The following TMLHE variants were observed in gnomAD, a reference collection of about 807,000 sequenced individuals.
TMLHE encodes the protein trimethyllysine hydroxylase, epsilon, also known as trimethyllysine dioxygenase, mitochondrial.
Under a neutral mutation model 25.7 loss-of-function variants are expected in TMLHE, and 18 were observed. The observed-to-expected ratio is 0.70, with a 90% CI of 0.48 to 1.04. The LOEUF is 1.04. Among genes scored for constraint, TMLHE ranks in the 50% least tolerant of loss-of-function variants. The probability of loss-of-function intolerance (pLI) is 0.00; values close to 1 mark genes in which losing one functional copy is unlikely to be tolerated. For missense variants in TMLHE, 236 were observed against 259.0 expected (o/e 0.91, Z 0.61); for synonymous variants, 105 against 97.0 (o/e 1.08, Z -0.49).
chrX:155,567,775 G>C lies in TMLHE; in HGVS notation c.-1-22498C>G, dbSNP rs1416484691. On this transcript the variant is annotated intron_variant, in intron 1 of 7. Coordinates refer to ENST00000334398, the MANE Select transcript of TMLHE (RefSeq NM_018196.4). ...ATGTACAGTGGAAGACCGAAGAACTGAAAGCTCCACTGATGGAGGGTGCTG... is the reference window on the plus strand; with the variant it reads ...ATGTACAGTGGAAGACCGAAGAACTCAAAGCTCCACTGATGGAGGGTGCTG... 4.8e-5 allele frequency among the ~76,000 whole-genome samples: 3 copies of C among 61,935 alleles called. 1 individual carries two copies. In the Admixed American group the frequency reaches 5.7e-4, roughly 12 times the overall value. 53.8% of individuals were successfully genotyped at this position (61,935 alleles called of 115,157 possible).
chrX:155,528,732 T>A (rs190820969), intron 2 of TMLHE, among the ~76,000 whole-genome samples: 33 of 111,915 alleles, frequency 2.9e-4, no homozygotes, highest in Admixed American at 2.9e-3. Flanking sequence ...ACTTATTGGT[T>A]GATGGGTACT....
At chrX:155,605,834 C>T (rs1557347776) in intron 1 of TMLHE, among the ~76,000 whole-genome samples, 1 of 111,759 alleles carries the variant, frequency 8.9e-6, no homozygotes, top group Non-Finnish European at 1.9e-5. Flanking sequence ...CGGTGGTATG[C>T]TGTCTTCAAG....
At chrX:155,511,132 T>C (rs2067109481) in intron 5 of TMLHE, among the ~76,000 whole-genome samples, 1 of 111,831 alleles carries the variant, frequency 8.9e-6, no homozygotes, top group Non-Finnish European at 1.9e-5. Flanking sequence ...TGTTGAATTG[T>C]AATCTCCAGT....
chrX:155,530,281 C>G (rs1557336941), intron 2 of TMLHE, among the ~76,000 whole-genome samples: 1 of 110,967 alleles, frequency 9.0e-6, no homozygotes, highest in East Asian at 2.8e-4. Context: ...TATGGATGAA[C>G]CTGGAGGACA....
chrX:155,586,515 AAAGAT>A (rs782619509), intron 1 of TMLHE, among the ~76,000 whole-genome samples: 1 of 111,905 alleles, frequency 8.9e-6, no homozygotes, highest in South Asian at 3.7e-4. Context: ...AAAAAATAAT[AAAGAT>A]AAGAGCAGAA....
chrX:155,553,489 T>G (rs1443916154), intron 1 of TMLHE, among the ~76,000 whole-genome samples: 1 of 110,017 alleles, frequency 9.1e-6, no homozygotes, highest in Non-Finnish European at 1.9e-5. Flanking sequence ...CTATATCAGC[T>G]TTCTTTTGGG....
At position 155,511,591 on chromosome X, in the gene TMLHE, G is replaced by A. The variant is rs190103864; in HGVS notation, c.758+82C>T. ...GCAGGAGCAGATATGATCTTGGTTC[G>A]AACAGAATGGAAAATAATTAAGAAA... On this transcript the variant is annotated intron_variant, in intron 5 of 7. Transcript: ENST00000334398. 2.2e-4 allele frequency: 217 copies of A among 1,001,493 alleles called. No individual in the cohort carries two copies. The African/African-American group carries it at 3.7e-3, about 17-fold the overall frequency. 82.5% of individuals were successfully genotyped at this position (1,001,493 alleles called of 1,213,427 possible). A position where few individuals can be genotyped will look rare whatever the true frequency, so the allele number is the denominator to read the frequency against.
chrX:155,525,969 G>A (rs1423651954), intron 2 of TMLHE, among the ~76,000 whole-genome samples: 2 of 112,865 alleles, frequency 1.8e-5, no homozygotes, highest in Non-Finnish European at 3.7e-5. Context: ...ATATTTAAAA[G>A]GGAAACAGTA....
chrX:155,541,111 T>G (rs1327361434), intron 2 of TMLHE, among the ~76,000 whole-genome samples: 1 of 110,771 alleles, frequency 9.0e-6, no homozygotes, highest in Non-Finnish European at 1.9e-5. Flanking sequence ...GTTTGTTACA[T>G]AAGTATACAT....
chrX:155,531,160 G>A (rs1252629323), intron 2 of TMLHE, among the ~76,000 whole-genome samples: 1 of 112,135 alleles, frequency 8.9e-6, no homozygotes, highest in Non-Finnish European at 1.9e-5. Context: ...ATGAAAATGA[G>A]GCTTTTTGTA....
intron 1 of TMLHE, among the ~76,000 whole-genome samples, chrX:155,586,621 C>T (rs2067666295): frequency 9.0e-6 from 1 of 111,299 alleles, no homozygotes. Flanking sequence ...AAACAACTCA[C>T]TAAGCAAATC....
chrX:155,593,855 CAGTG>C lies in TMLHE; in HGVS notation c.-2+18933_-2+18936del, dbSNP rs781814143. 6.6e-4 allele frequency among the ~76,000 whole-genome samples: 72 copies of C among 109,385 alleles called. 1 individual carries two copies. In the East Asian group the frequency reaches 0.011, roughly 16 times the overall value. 95.0% of individuals were successfully genotyped at this position (109,385 alleles called of 115,157 possible). On this transcript the variant is annotated intron_variant, in intron 1 of 7. Coordinates refer to ENST00000334398, the MANE Select transcript of TMLHE (RefSeq NM_018196.4). ...ATAAATCCAAGAAAAAAAAAACAAT[CAGTG>C]AGCTCAAAGACAGAACATTTGAAAT...
In TMLHE at chrX:155,512,583, G is replaced by C. The variant is rs958299830; in HGVS notation, c.639-791C>G. On this transcript the variant is annotated intron_variant, in intron 4 of 7. Transcript: ENST00000334398. ...CAGTCTATCATTGTTGGACATTTGG[G>C]TTGGTTCCAAGTCTAACTTTATTTA... 2.7e-5 allele frequency among the ~76,000 whole-genome samples: 3 copies of C among 110,761 alleles called. No individual in the cohort carries two copies. In the Admixed American group the frequency reaches 2.9e-4, roughly 11 times the overall value.
intron 5 of TMLHE, among the ~76,000 whole-genome samples, chrX:155,510,857 G>T (rs1424071288): frequency 9.5e-6 from 1 of 105,446 alleles, no homozygotes; most frequent in African/African-American, 3.4e-5. Context: ...CTAGTTTACA[G>T]TCCCACCAAC....
At chrX:155,556,665 G>T (rs2124439301) in intron 1 of TMLHE, among the ~76,000 whole-genome samples, 1 of 110,128 alleles carries the variant, frequency 9.1e-6, no homozygotes, top group Non-Finnish European at 1.9e-5. Flanking sequence ...AATTGCTAAT[G>T]AAGTTTTGGG....
chrX:155,512,301 A>G (rs782401507), intron 4 of TMLHE, among the ~76,000 whole-genome samples: 18 of 105,147 alleles, frequency 1.7e-4, no homozygotes, highest in South Asian at 1.2e-3. Flanking sequence ...ATATCTCCCA[A>G]TGCTATCCCT....
At position 155,491,351 on chromosome X, in the gene TMLHE, A is replaced by G. The variant is rs1337239626; in HGVS notation, c.*184T>C. The G allele has an allele frequency of 7.4e-4, 8 of 10,790 alleles. No individual in the cohort carries two copies. The highest frequency in any genetic ancestry group is 3.9e-3 in the African/African-American group (7 of 1,773). 0.9% of individuals were successfully genotyped at this position (10,790 alleles called of 1,213,427 possible). On this transcript the variant is annotated 3_prime_UTR_variant, in exon 8 of 8. Transcript: ENST00000334398. ...AGAGCTGCCCCACTAGATGTCTGAC[A>G]TTAGATAACTCAGAGTCCCGCCTCT...
intron 1 of TMLHE, among the ~76,000 whole-genome samples, chrX:155,558,538 A>C (rs782468751): frequency 9.0e-6 from 1 of 111,674 alleles, no homozygotes; most frequent in African/African-American, 3.2e-5. Context: ...GAACTCCATA[A>C]ATGTTTGTGA....
intron 1 of TMLHE, among the ~76,000 whole-genome samples, chrX:155,561,892 G>A (rs2067498193): frequency 1.6e-5 from 1 of 62,963 alleles, no homozygotes; most frequent in African/African-American, 3.5e-5. Flanking sequence ...TTCTGCCCCT[G>A]TGGCTTAGCA....
Sources: allele counts gnomAD v4.1 joint callset (sites outside exome capture counted in the v4.1 genomes callset), GRCh38; gene constraint gnomAD v4.1.1; transcripts MANE v1.5; gene names NCBI Gene and HGNC (gene_info 2026-07-23, HGNC 2026-07-21).